The following KCTD8 variants were observed in gnomAD, a reference collection of about 807,000 sequenced individuals.
KCTD8 encodes the protein BTB/POZ domain-containing protein KCTD8.
A neutral mutation model predicts 31.5 loss-of-function variants in KCTD8; 27 were observed. The observed-to-expected ratio is 0.86, with a 90% CI of 0.63 to 1.18. KCTD8 has a LOEUF of 1.18. KCTD8 is among the 50% of genes most tolerant of loss of function. The pLI, the probability that KCTD8 is intolerant of heterozygous loss-of-function variation, is 0.00. For missense variants in KCTD8, 658 were observed against 647.7 expected (o/e 1.02, Z -0.17); for synonymous variants, 290 against 280.0 (o/e 1.04, Z -0.36).
intron 1 of KCTD8, among the ~76,000 whole-genome samples, chr4:44,362,939 T>A (rs1719537411): frequency 6.6e-6 from 1 of 152,106 alleles, no homozygotes; most frequent in Non-Finnish European, 1.5e-5. Flanking sequence ...ATCTGCTTTA[T>A]GTTTTTTCTT....
At chr4:44,293,042 A>T (rs1717326629) in intron 1 of KCTD8, among the ~76,000 whole-genome samples, 1 of 152,106 alleles carries the variant, frequency 6.6e-6, no homozygotes, top group Admixed American at 6.6e-5. Context: ...TAATTTTTTC[A>T]GATCATTAAG....
At chr4:44,316,477 G>A (rs974461450) in intron 1 of KCTD8, among the ~76,000 whole-genome samples, 12 of 151,640 alleles carry the variant, frequency 7.9e-5, no homozygotes, top group African/African-American at 2.2e-4. Flanking sequence ...CATGCTGTTC[G>A]TCATTCATAA....
rs760316372 is a variant in KCTD8 at position 44,448,570 on chromosome 4, C to T, written c.-47G>A. The stretch of plus-strand genomic sequence containing the variant: ...GTGACCCGAGAGAGCTGCACTTTCT[C>T]GTTCCCGGAGCCCGCGCCCCAGCCC... On this transcript the variant is annotated 5_prime_UTR_variant, in exon 1 of 2. Coordinates refer to ENST00000360029, the MANE Select transcript of KCTD8 (RefSeq NM_198353.3). This position sits in a 1 kb window ranked among gnomAD's most constrained non-coding sequence, Gnocchi z 4.1. 9.6e-5 allele frequency: 134 copies of T among 1,395,182 alleles called. No homozygotes were observed. The highest frequency in any genetic ancestry group is 1.2e-4 in the Non-Finnish European group (132 of 1,078,854). The allele number at this position is 1,395,182 out of a possible 1,614,324, so 86.4% of individuals were successfully genotyped here. A position where few individuals can be genotyped will look rare whatever the true frequency, so the allele number is the denominator to read the frequency against.
chr4:44,378,606 G>GC (rs1719979257), intron 1 of KCTD8, among the ~76,000 whole-genome samples: 5 of 151,884 alleles, frequency 3.3e-5, no homozygotes, highest in Non-Finnish European at 4.4e-5. Context: ...CAATAATTAA[G>GC]GATAAAAATC....
chr4:44,260,325 G>A (rs937167569), intron 1 of KCTD8, among the ~76,000 whole-genome samples: 11 of 151,938 alleles, frequency 7.2e-5, no homozygotes, highest in Admixed American at 4.6e-4. Context: ...CACCTACTAT[G>A]TTCTAGGTAC....
intron 1 of KCTD8, among the ~76,000 whole-genome samples, chr4:44,362,965 A>G (rs552325758): frequency 6.6e-6 from 1 of 152,184 alleles, no homozygotes; most frequent in East Asian, 1.9e-4. Context: ...AACGTGGGTT[A>G]AAACAGCCTA....
intron 1 of KCTD8, among the ~76,000 whole-genome samples, chr4:44,269,938 T>C (rs1023802172): frequency 2.4e-4 from 36 of 152,274 alleles, no homozygotes; most frequent in African/African-American, 7.7e-4. Flanking sequence ...TTTACACTGT[T>C]GGTGGGACTG....
intron 1 of KCTD8, among the ~76,000 whole-genome samples, chr4:44,388,916 A>G (rs1380668637): frequency 7.4e-6 from 1 of 135,850 alleles, no homozygotes; most frequent in Non-Finnish European, 1.5e-5. Flanking sequence ...TGTGGTACAT[A>G]TATACAATGG....
At chr4:44,432,980 A>T in intron 1 of KCTD8, among the ~76,000 whole-genome samples, 1 of 151,576 alleles carries the variant, frequency 6.6e-6, no homozygotes, top group Non-Finnish European at 1.5e-5. Flanking sequence ...GCCCTTGTCA[A>T]TATCATTTCC....
At chr4:44,303,937 C>G (rs1577604559) in intron 1 of KCTD8, among the ~76,000 whole-genome samples, 1 of 152,246 alleles carries the variant, frequency 6.6e-6, no homozygotes, top group East Asian at 1.9e-4. Flanking sequence ...AAAATCTCAG[C>G]TGCAAGATAA....
rs1713134135 is a variant in KCTD8 at position 44,174,398 on chromosome 4, A to T, written c.*392T>A. 1 of 159,038 alleles carries T rather than the reference A, an allele frequency of 6.3e-6. No individual in the cohort carries two copies. Among genetic ancestry groups the T allele is most frequent in the South Asian group, 2.0e-4 (1 of 4,932 alleles). The allele number at this position is 159,038 out of a possible 1,614,324, so 9.9% of individuals were successfully genotyped here. On this transcript the variant is annotated 3_prime_UTR_variant, in exon 2 of 2. Transcript: ENST00000360029. ...TAGCCATCGTCTAAAATTTTACTTG[A>T]TGTTGCTTCATCCATATATCATTTT...
At chr4:44,425,573 A>T (rs1228076978) in intron 1 of KCTD8, among the ~76,000 whole-genome samples, 1 of 151,986 alleles carries the variant, frequency 6.6e-6, no homozygotes, top group African/African-American at 2.4e-5. Context: ...CATTCCAGAC[A>T]TTGTCAATGC....
intron 1 of KCTD8, among the ~76,000 whole-genome samples, chr4:44,359,131 T>TA (rs1282366213): frequency 6.6e-6 from 1 of 152,216 alleles, no homozygotes; most frequent in Non-Finnish European, 1.5e-5. Flanking sequence ...ACTCTGATGA[T>TA]AGTTTCTTTT....
intron 1 of KCTD8, among the ~76,000 whole-genome samples, chr4:44,332,794 T>C (rs1177394298): frequency 6.6e-6 from 1 of 152,038 alleles, no homozygotes; most frequent in Non-Finnish European, 1.5e-5. Flanking sequence ...GTACCATATA[T>C]CACATATGTT....
At chr4:44,204,421 A>G (rs1479748507) in intron 1 of KCTD8, among the ~76,000 whole-genome samples, 2 of 152,178 alleles carry the variant, frequency 1.3e-5, no homozygotes, top group African/African-American at 4.8e-5. Context: ...GATTACAGAC[A>G]TTGTATAGAA....
intron 1 of KCTD8, among the ~76,000 whole-genome samples, chr4:44,325,836 G>A (rs974903745): frequency 2.6e-5 from 4 of 151,816 alleles, no homozygotes; most frequent in African/African-American, 4.8e-5. Flanking sequence ...GGATATAATC[G>A]AGCTAGTGTT....
chr4:44,298,099 G>A (rs1235703394), intron 1 of KCTD8, among the ~76,000 whole-genome samples: 3 of 152,126 alleles, frequency 2.0e-5, no homozygotes. Flanking sequence ...AAGAAAATGT[G>A]TATAGAATGA....
At chr4:44,326,250 C>T (rs1718441453) in intron 1 of KCTD8, among the ~76,000 whole-genome samples, 1 of 150,876 alleles carries the variant, frequency 6.6e-6, no homozygotes, top group South Asian at 2.1e-4. Flanking sequence ...CTATTTTTGC[C>T]TTTATGAACA....
intron 1 of KCTD8, among the ~76,000 whole-genome samples, chr4:44,294,681 A>C (rs1037774157): frequency 1.3e-5 from 2 of 152,184 alleles, no homozygotes; most frequent in African/African-American, 4.8e-5. Flanking sequence ...GAACAGAAGA[A>C]TGTTAACTCT....
Sources: allele counts gnomAD v4.1 joint callset (sites outside exome capture counted in the v4.1 genomes callset), GRCh38; gene constraint gnomAD v4.1.1; non-coding constraint Gnocchi (gnomAD v3.1); transcripts MANE v1.5; gene names NCBI Gene and HGNC (gene_info 2026-07-23, HGNC 2026-07-21).